Variants in OAS2 observed in about 807,000 individuals in gnomAD.
OAS2 encodes the protein 2'-5'-oligoadenylate synthase 2.
OAS2 carries 67 observed loss-of-function variants against 71.3 expected under a neutral mutation model. The observed-to-expected ratio is 0.94, with a 90% CI of 0.77 to 1.15. OAS2 has a LOEUF of 1.15. Ranked by LOEUF, OAS2 falls within the 50% of genes most tolerant of loss-of-function variation. The pLI is 0.00. For synonymous variants in OAS2, 327 were observed against 321.8 expected, an observed-to-expected ratio of 1.02 and a Z score of -0.17; for missense variants, 789 against 822.5, an observed-to-expected ratio of 0.96 and a Z score of 0.50.
intron 1 of OAS2, among the ~76,000 whole-genome samples, chr12:112,983,816 A>T (rs1238742815): frequency 1.3e-5 from 2 of 152,226 alleles, no homozygotes; most frequent in East Asian, 3.8e-4. Context: ...AGTATCCATT[A>T]AGATACCTGA....
At chr12:112,979,274 G>A (rs1325929611) in intron 1 of OAS2, among the ~76,000 whole-genome samples, 1 of 152,160 alleles carries the variant, frequency 6.6e-6, no homozygotes, top group East Asian at 1.9e-4. Flanking sequence ...TCTCAGGACT[G>A]AGGCTGAAAA....
chr12:112,996,922 G>A (rs1384158351), intron 3 of OAS2, among the ~76,000 whole-genome samples: 1 of 152,152 alleles, frequency 6.6e-6, no homozygotes, highest in Non-Finnish European at 1.5e-5. Flanking sequence ...CCCTCAGGAA[G>A]AAATTTAGAA....
chr12:112,981,014 T>G (rs1417439807), intron 1 of OAS2, among the ~76,000 whole-genome samples: 1 of 152,246 alleles, frequency 6.6e-6, no homozygotes, highest in Admixed American at 6.5e-5. Flanking sequence ...TTGTATGTCT[T>G]CTTTTGAGAA....
chr12:112,988,151 C>T, intron 2 of OAS2: 1 of 984,002 alleles, frequency 1.0e-6, no homozygotes, highest in Non-Finnish European at 1.2e-6. Flanking sequence ...GTCCAGGTGT[C>T]CTAAAAGTTC....
At chr12:112,992,466 C>A (rs1458388471) in intron 2 of OAS2, among the ~76,000 whole-genome samples, 2 of 151,626 alleles carry the variant, frequency 1.3e-5, no homozygotes, top group African/African-American at 4.8e-5. Context: ...GGAAAATTCC[C>A]AAGCTGAAAC....
In OAS2 at chr12:112,997,685, T is replaced by C; in HGVS notation, c.793T>C (p.Trp265Arg). The change falls in exon 4 of 10, where the codon TGG (tryptophan) becomes CGG (arginine). Residue 265 changes from tryptophan to arginine, a missense_variant. Coordinates refer to ENST00000392583, the MANE Select transcript of OAS2 (RefSeq NM_002535.3). ...ATGCCAGGAGAAGCTGTGTATCTAT[T>C]GGATGGTCAACTACAACTTTGAAGA... ...IKCQEKLCIY[W>R]MVNYNFEDET... 6.2e-7 allele frequency: 1 copy of C among 1,613,888 alleles called. No homozygotes were observed. The highest frequency in any genetic ancestry group is 8.5e-7 in the Non-Finnish European group (1 of 1,179,880).
intron 5 of OAS2, among the ~76,000 whole-genome samples, chr12:112,999,024 G>A (rs1343426769): frequency 6.6e-6 from 1 of 152,212 alleles, no homozygotes; most frequent in Non-Finnish European, 1.5e-5. Context: ...ACCCAAAGAT[G>A]CGAGATCTCA....
chr12:112,984,649 C>A (rs941580287), intron 1 of OAS2, among the ~76,000 whole-genome samples: 5 of 152,138 alleles, frequency 3.3e-5, no homozygotes, highest in African/African-American at 1.2e-4. Flanking sequence ...TTGTTCTTTT[C>A]TTTCTCTTTA....
At position 112,998,314 on chromosome 12, in the gene OAS2, T is replaced by C. The variant is rs138309968; in HGVS notation, c.912T>C (p.Asp304=). 3.7e-6 allele frequency: 6 copies of C among 1,612,178 alleles called. No individual in the cohort carries two copies. Among genetic ancestry groups the C allele is most frequent in the Admixed American group, 1.7e-5 (1 of 59,462 alleles). Residue 304 remains aspartate, a synonymous_variant, in exon 5 of 10, where the codon GAT becomes GAC. Coordinates refer to ENST00000392583, the MANE Select transcript of OAS2 (RefSeq NM_002535.3). ...ACCCAACCAATAATGTGAGTGGAGA[T>C]AAAATATGCTGGCAATGGCTGAAAA... ...PVDPTNNVSG[D]KICWQWLKKE... is the part of the protein sequence containing the mutation.
intron 2 of OAS2, 86 bp downstream of exon 2, chr12:112,987,394 A>C: frequency 6.4e-7 from 1 of 1,552,146 alleles, no homozygotes; most frequent in Non-Finnish European, 8.7e-7. Context: ...TGAGTGGGAT[A>C]GATACCACTG....
intron 1 of OAS2, among the ~76,000 whole-genome samples, chr12:112,979,552 A>AT (rs2044060293): frequency 6.6e-6 from 1 of 152,206 alleles, no homozygotes; most frequent in African/African-American, 2.4e-5. Flanking sequence ...CAGAACTGGG[A>AT]TTTTAAGCCT....
chr12:112,997,770 AC>A lies in OAS2; in HGVS notation c.863+16del, dbSNP rs1432162418. ...CAATCAGCGAGGTGCCAAGCTTCTC[AC>A]ACCCTATCCCTGTACCTCATCATCC... On this transcript the variant is annotated intron_variant, in intron 4 of 9. Coordinates refer to ENST00000392583, the MANE Select transcript of OAS2 (RefSeq NM_002535.3). 1 of 1,539,062 alleles carries A rather than the reference AC, an allele frequency of 6.5e-7. No homozygotes were observed. Among genetic ancestry groups the A allele is most frequent in the Non-Finnish European group, 8.8e-7 (1 of 1,136,286 alleles).
In OAS2 at chr12:112,994,295, C is replaced by T. The variant is rs528691710; in HGVS notation, c.449-1001C>T. On this transcript the variant is annotated intron_variant, in intron 2 of 9. Transcript: ENST00000392583. The stretch of plus-strand genomic sequence containing the variant: ...ATCTCCCATCTCCTCAGCTGCAGCA[C>T]CTGATTAAAGCCTTCTTCTTGGCAA... Among the ~76,000 whole-genome samples the T allele has an allele frequency of 3.3e-5, 5 of 152,196 alleles. No homozygotes were observed. The South Asian group carries it at 1.0e-3, about 32-fold the overall frequency.
intron 1 of OAS2, among the ~76,000 whole-genome samples, chr12:112,979,306 G>A (rs2044057655): frequency 6.6e-6 from 1 of 152,168 alleles, no homozygotes; most frequent in African/African-American, 2.4e-5. Flanking sequence ...TGGGGAGGAA[G>A]GGGGACTGGG....
chr12:112,999,189 G>A (rs1034214094), intron 5 of OAS2, among the ~76,000 whole-genome samples: 5 of 152,190 alleles, frequency 3.3e-5, no homozygotes, highest in Non-Finnish European at 7.3e-5. Context: ...AAGTGCGGCC[G>A]AAACAAGAGA....
In OAS2 at chr12:113,005,903, A is replaced by AAACAACAACAACAAC. The variant is rs576604857; in HGVS notation, c.1469-507_1469-493dup. ...CAAAACTCTGTCTCAAAAAAGCAAA[A>AAACAACAACAACAAC]AACAACAACAACAACAAAAAAAAAA... On this transcript the variant is annotated intron_variant, in intron 7 of 9. Coordinates refer to ENST00000392583, the MANE Select transcript of OAS2 (RefSeq NM_002535.3). Among the ~76,000 whole-genome samples the AAACAACAACAACAAC allele has an allele frequency of 3.0e-3, 139 of 46,634 alleles. 5 individuals carry two copies. The highest frequency in any genetic ancestry group is 0.011 in the African/African-American group (77 of 7,006). 30.6% of individuals were successfully genotyped at this position (46,634 alleles called of 152,430 possible).
In OAS2 at chr12:112,978,844, G is replaced by A. The variant is rs1264640485; in HGVS notation, c.177+59G>A. The A allele has an allele frequency of 4.5e-6, 7 of 1,544,864 alleles. No individual in the cohort carries two copies. Among genetic ancestry groups the A allele is most frequent in the Non-Finnish European group, 6.2e-6 (7 of 1,136,846 alleles). On this transcript the variant is annotated intron_variant, in intron 1 of 9. Coordinates refer to ENST00000392583, the MANE Select transcript of OAS2 (RefSeq NM_002535.3). The surrounding 1 kb of genome is among the most constrained non-coding windows in gnomAD (Gnocchi z 4.2). Reference sequence around the variant, plus strand: ...GCAGGAGATTCCACGGCGGCAGCAAGGCCGAGCTACTGGGTGCTGGGTGCC... The same window carrying A: ...GCAGGAGATTCCACGGCGGCAGCAAAGCCGAGCTACTGGGTGCTGGGTGCC...
In OAS2 at chr12:113,004,809, C is replaced by A. The variant is rs2044316002; in HGVS notation, c.1180-125C>A. 4.6e-6 allele frequency: 4 copies of A among 862,802 alleles called. No homozygotes were observed. The Admixed American group carries it at 7.7e-5, about 17-fold the overall frequency. The allele number at this position is 862,802 out of a possible 1,614,324, so 53.4% of individuals were successfully genotyped here. A position where few individuals can be genotyped will look rare whatever the true frequency, so the allele number is the denominator to read the frequency against. ...CCCTTTGCTTTGGACTCAGCCCTCA[C>A]TGAACCCTAACGCAGAACTTGGCCT... On this transcript the variant is annotated intron_variant, in intron 6 of 9. Transcript: ENST00000392583.
At chr12:112,994,317 G>C (rs1325729480) in intron 2 of OAS2, among the ~76,000 whole-genome samples, 1 of 152,170 alleles carries the variant, frequency 6.6e-6, no homozygotes, top group South Asian at 2.1e-4. Flanking sequence ...CTTCTTCTTG[G>C]CAACACTTGT....
Sources: gnomAD v4.1 joint callset for allele counts (sites outside exome capture counted in the v4.1 genomes callset) on GRCh38, gnomAD v4.1.1 for gene constraint, Gnocchi (gnomAD v3.1) non-coding constraint, MANE v1.5 for transcripts, NCBI Gene and HGNC (gene_info 2026-07-23, HGNC 2026-07-21) for gene names.